The following OPRK1 variants were observed in gnomAD, a reference collection of about 807,000 sequenced individuals.
The protein encoded by OPRK1 is kappa-type opioid receptor.
OPRK1 carries 15 observed loss-of-function variants against 24.5 expected under a neutral mutation model. The ratio of observed to expected loss-of-function variants is 0.61; its 90% CI spans 0.41 to 0.94. The LOEUF is 0.94. OPRK1 is among the 40% of genes least tolerant of loss of function. The pLI is 0.00. For synonymous variants in OPRK1, 205 were observed against 198.0 expected (o/e 1.04, Z -0.30); for missense variants, 479 against 507.3 (o/e 0.94, Z 0.54).
chr8:53,240,018 T>TTGAAAAGCA (rs1435419788), intron 2 of OPRK1, among the ~76,000 whole-genome samples: 5 of 152,336 alleles, frequency 3.3e-5, no homozygotes, highest in Admixed American at 2.6e-4. Context: ...TTGAAAAGCA[T>TTGAAAAGCA]TCTGATGAGG....
At chr8:53,237,997 A>G (rs1002713191) in intron 2 of OPRK1, among the ~76,000 whole-genome samples, 2 of 152,218 alleles carry the variant, frequency 1.3e-5, no homozygotes, top group African/African-American at 4.8e-5. Flanking sequence ...ACTCATGAGT[A>G]TAATTAAAAG....
rs367824593 is a variant in OPRK1, at chr8:53,250,878, T to C, written c.160A>G (p.Ile54Val). 5 of 1,612,906 alleles carry C rather than the reference T, an allele frequency of 3.1e-6. No homozygotes were observed. The highest frequency in any genetic ancestry group is 3.4e-6 in the Non-Finnish European group (4 of 1,179,688). ...SEDAQLEPAH[I>V]SPAIPVIITA... ...ATGATGACCGGGATGGCCGGGGAGA[T>C]GTGCGCGGGCTCCAGCTGCGCGTCC... The change falls in exon 2 of 4, where the codon ATC (isoleucine) becomes GTC (valine). Residue 54 changes from isoleucine to valine, a missense_variant. Transcript: ENST00000265572.
At position 53,229,284 on chromosome 8, in the gene OPRK1, TC is replaced by T. The variant is rs1563325682; in HGVS notation, c.*12del. Reference sequence around the variant, plus strand: ...CTTCCCGAAGAACTGTACGAAGACATCTCCACGACTAGTCATACTGGTTTAT... The same window carrying T: ...CTTCCCGAAGAACTGTACGAAGACATTCCACGACTAGTCATACTGGTTTAT... On this transcript the variant is annotated 3_prime_UTR_variant, in exon 4 of 4. Coordinates refer to ENST00000265572, the MANE Select transcript of OPRK1 (RefSeq NM_000912.5). 1 of 1,604,928 alleles carries T rather than the reference TC, an allele frequency of 6.2e-7. No homozygotes were observed. Among genetic ancestry groups the T allele is most frequent in the Admixed American group, 1.7e-5 (1 of 59,578 alleles).
At chr8:53,249,492 G>A (rs1807316413) in intron 2 of OPRK1, among the ~76,000 whole-genome samples, 1 of 152,032 alleles carries the variant, frequency 6.6e-6, no homozygotes, top group Non-Finnish European at 1.5e-5. Flanking sequence ...AATGCAATAG[G>A]CAATTATGAA....
In OPRK1 at chr8:53,229,265, G is replaced by A. The variant is rs748701611; in HGVS notation, c.*32C>T. 50 of 1,586,618 alleles carry A rather than the reference G, an allele frequency of 3.2e-5. No individual in the cohort carries two copies. Among genetic ancestry groups the A allele is most frequent in the Non-Finnish European group, 4.0e-5 (47 of 1,164,514 alleles). On this transcript the variant is annotated 3_prime_UTR_variant, in exon 4 of 4. Coordinates refer to ENST00000265572, the MANE Select transcript of OPRK1 (RefSeq NM_000912.5). Reference sequence around the variant, plus strand: ...TAGATCATTGAACTCCTCTCTTCCCGAAGAACTGTACGAAGACATCTCCAC... The same window carrying A: ...TAGATCATTGAACTCCTCTCTTCCCAAAGAACTGTACGAAGACATCTCCAC...
At chr8:53,247,826 T>A (rs916092398) in intron 2 of OPRK1, among the ~76,000 whole-genome samples, 2 of 151,716 alleles carry the variant, frequency 1.3e-5, no homozygotes, top group Non-Finnish European at 2.9e-5. Flanking sequence ...TGCAACTCCA[T>A]CTCTACCAAA....
In OPRK1 at chr8:53,235,050, A is replaced by G. The variant is rs750651542; in HGVS notation, c.319T>C (p.Leu107=). The stretch of plus-strand genomic sequence containing the variant: ...TGAAAGGGCATGGTTGTAGTAACTA[A>G]AGCATCTGCCAAAGCCAGGTTAAAT... ...YIFNLALADA[L]VTTTMPFQST... The change falls in exon 3 of 4, where the codon TTA becomes CTA. Residue 107 remains leucine (L), a synonymous_variant. Transcript: ENST00000265572. The G allele has an allele frequency of 6.2e-7, 1 of 1,614,230 alleles. No individual in the cohort carries two copies. The highest frequency in any genetic ancestry group is 1.1e-5 in the South Asian group (1 of 91,084).
chr8:53,235,378 C>T (rs866482265), intron 2 of OPRK1, among the ~76,000 whole-genome samples: 8 of 152,264 alleles, frequency 5.3e-5, no homozygotes, highest in Middle Eastern at 3.4e-3. Flanking sequence ...GATGAATAGA[C>T]ATATAGATCT....
intron 2 of OPRK1, chr8:53,242,796 G>A (rs1321172547): frequency 1.1e-5 from 14 of 1,220,500 alleles, no homozygotes; most frequent in African/African-American, 1.6e-5. Context: ...CTGAGCCACC[G>A]CGCCCGGCCA....
Position 53,226,402 on chromosome 8 carries a change from CTCGTTAGGACCTG to C in OPRK1, c.*2882_*2894del, listed in dbSNP as rs907658810. 6.6e-6 allele frequency: 1 copy of C among 152,258 alleles called. No homozygotes were observed. Among genetic ancestry groups the C allele is most frequent in the African/African-American group, 2.4e-5 (1 of 41,454 alleles). The allele number at this position is 152,258 out of a possible 1,614,324, so 9.4% of individuals were successfully genotyped here. ...CATTTCTCTGTGCCTTCTCTGACCCCTCGTTAGGACCTGTCTTCCAGACCTTCTTACCAGGGTG... is the reference window on the plus strand; with the variant it reads ...CATTTCTCTGTGCCTTCTCTGACCCCTCTTCCAGACCTTCTTACCAGGGTG... On this transcript the variant is annotated 3_prime_UTR_variant, in exon 4 of 4. Transcript: ENST00000265572.
At chr8:53,230,047 T>C (rs969729609) in intron 3 of OPRK1, among the ~76,000 whole-genome samples, 1 of 151,950 alleles carries the variant, frequency 6.6e-6, no homozygotes, top group Non-Finnish European at 1.5e-5. Context: ...AGTCACTGTT[T>C]ACTGGTAACA....
At chr8:53,235,524 G>C (rs970273170) in intron 2 of OPRK1, among the ~76,000 whole-genome samples, 1 of 151,902 alleles carries the variant, frequency 6.6e-6, no homozygotes, top group African/African-American at 2.4e-5. Context: ...TTTTTCCTCA[G>C]GGTTATTTTG....
At chr8:53,236,572 T>C (rs954651631) in intron 2 of OPRK1, among the ~76,000 whole-genome samples, 5 of 152,200 alleles carry the variant, frequency 3.3e-5, no homozygotes, top group African/African-American at 1.2e-4. Context: ...ATTCAGACAT[T>C]ATTAAATGAC....
rs1806675848 is a variant in OPRK1, at chr8:53,226,068, C to T, written c.*3229G>A. The stretch of plus-strand genomic sequence containing the variant: ...TTTGCATGAGTCATCGTATTTCATC[C>T]CAGGACTAGATGAAACACCTATAAA... On this transcript the variant is annotated 3_prime_UTR_variant, in exon 4 of 4. Coordinates refer to ENST00000265572, the MANE Select transcript of OPRK1 (RefSeq NM_000912.5). 1 of 152,184 alleles carries T rather than the reference C, an allele frequency of 6.6e-6. No individual in the cohort carries two copies. Among genetic ancestry groups the T allele is most frequent in the Admixed American group, 6.5e-5 (1 of 15,288 alleles). The allele number at this position is 152,184 out of a possible 1,614,324, so 9.4% of individuals were successfully genotyped here. A position where few individuals can be genotyped will look rare whatever the true frequency, so the allele number is the denominator to read the frequency against.
intron 2 of OPRK1, among the ~76,000 whole-genome samples, chr8:53,239,244 G>C (rs1807062773): frequency 6.6e-6 from 1 of 152,150 alleles, no homozygotes; most frequent in Non-Finnish European, 1.5e-5. Flanking sequence ...CTTTGAGGAT[G>C]ACTGAAAAAC....
Position 53,229,562 on chromosome 8 carries a change from A to AAT in OPRK1, c.876_877dup (p.Phe293TyrfsTer27). 7.4e-6 allele frequency: 12 copies of AAT among 1,614,200 alleles called. No homozygotes were observed. Among genetic ancestry groups the AAT allele is most frequent in the Non-Finnish European group, 1.0e-5 (12 of 1,180,034 alleles). On this transcript the variant is annotated frameshift_variant, in exon 4 of 4. Coordinates refer to ENST00000265572, the MANE Select transcript of OPRK1 (RefSeq NM_000912.5). LOFTEE classifies it high-confidence loss of function. ...GCTCCCCAGAGCCTCCACCAGGATG[A>AAT]ATATGTGAATGGGAGTCCAGCAGAC... is the stretch of plus-strand genomic sequence containing the variant.
intron 3 of OPRK1, among the ~76,000 whole-genome samples, chr8:53,231,912 T>G (rs890887736): frequency 2.6e-5 from 4 of 152,198 alleles, no homozygotes; most frequent in African/African-American, 9.7e-5. Context: ...CCAAACAAAC[T>G]GCCTTGCATG....
At chr8:53,249,224 A>C (rs1185599044) in intron 2 of OPRK1, among the ~76,000 whole-genome samples, 2 of 152,216 alleles carry the variant, frequency 1.3e-5, no homozygotes, top group Non-Finnish European at 2.9e-5. Context: ...ATGGGTAGAA[A>C]CAGAGCTATT....
chr8:53,234,651 C>G, intron 3 of OPRK1, 108 bp downstream of exon 3: 1 of 972,888 alleles, frequency 1.0e-6, no homozygotes, highest in Non-Finnish European at 1.5e-6. Flanking sequence ...TTTCCGTCGT[C>G]TTTTGGCATC....
Sources: gnomAD v4.1 joint callset for allele counts (sites outside exome capture counted in the v4.1 genomes callset) on GRCh38, gnomAD v4.1.1 for gene constraint, MANE v1.5 for transcripts, NCBI Gene and HGNC (gene_info 2026-07-23, HGNC 2026-07-21) for gene names.